The following GABBR2 variants were observed in gnomAD, a reference collection of about 807,000 sequenced individuals.
GABBR2 encodes the protein gamma-aminobutyric acid type B receptor subunit 2.
In GABBR2, 23 loss-of-function variants were observed where a neutral mutation model predicts 105.6. That is an observed-to-expected ratio of 0.22 (90% CI 0.16 to 0.31). The LOEUF is 0.31. Ranked by LOEUF, GABBR2 falls within the 10% of genes least tolerant of loss-of-function variation. The probability of loss-of-function intolerance (pLI) is 1.00; values close to 1 mark genes in which losing one functional copy is unlikely to be tolerated. For synonymous variants in GABBR2, 478 were observed against 499.7 expected, an observed-to-expected ratio of 0.96 and a Z score of 0.58; for missense variants, 734 against 1,245.5, an observed-to-expected ratio of 0.59 and a Z score of 6.18.
Position 98,394,518 on chromosome 9 carries a change from A to G in GABBR2, c.1298-263T>C, listed in dbSNP as rs58430349. Among the ~76,000 whole-genome samples the G allele has an allele frequency of 0.057, 8,708 of 152,258 alleles. 862 individuals carry two copies. Among genetic ancestry groups the G allele is most frequent in the African/African-American group, 0.2 (8,210 of 41,508 alleles). On this transcript the variant is annotated intron_variant, in intron 8 of 18. Coordinates refer to ENST00000259455, the MANE Select transcript of GABBR2 (RefSeq NM_005458.8). ...AGATGGGGAGCCCAGGCTCCCTACA[A>G]CTGTACTCTGTCTGGTACCAAGTTC...
intron 2 of GABBR2, among the ~76,000 whole-genome samples, chr9:98,546,533 A>G (rs1317738274): frequency 6.6e-6 from 1 of 152,236 alleles, no homozygotes; most frequent in Admixed American, 6.5e-5. Context: ...AGATAAAATA[A>G]ACCTGTTTGT....
At chr9:98,359,899 T>A (rs537740484) in intron 13 of GABBR2, among the ~76,000 whole-genome samples, 1 of 152,252 alleles carries the variant, frequency 6.6e-6, no homozygotes, top group African/African-American at 2.4e-5. Flanking sequence ...GCAGAGCAGG[T>A]TCTCGACTCC....
chr9:98,609,044 A>G (rs1829469198), intron 1 of GABBR2, among the ~76,000 whole-genome samples: 1 of 152,226 alleles, frequency 6.6e-6, no homozygotes, highest in Admixed American at 6.5e-5. Flanking sequence ...AAGAGAAAAA[A>G]GTCACCATTC....
chr9:98,489,376 C>T (rs113282632), intron 4 of GABBR2, among the ~76,000 whole-genome samples: 5,140 of 152,262 alleles, frequency 0.034, 269 homozygotes, highest in African/African-American at 0.12. Context: ...ACAGCGCTGA[C>T]GCAGGCAAGC....
chr9:98,496,532 G>A lies in GABBR2; in HGVS notation c.631-18C>T. On this transcript the variant is annotated intron_variant, in intron 3 of 18. Coordinates refer to ENST00000259455, the MANE Select transcript of GABBR2 (RefSeq NM_005458.8). ...TTCCGCACCTGTCAGCAAAGAGAAA[G>A]CAGAGGGTGGGTGTGCTGGGGACCA... 1 of 1,555,228 alleles carries A rather than the reference G, an allele frequency of 6.4e-7. No homozygotes were observed. The highest frequency in any genetic ancestry group is 1.4e-5 in the African/African-American group (1 of 73,978).
At chr9:98,336,277 A>C (rs1005949544) in intron 13 of GABBR2, among the ~76,000 whole-genome samples, 13 of 152,256 alleles carry the variant, frequency 8.5e-5, no homozygotes, top group African/African-American at 3.1e-4. Flanking sequence ...GGGTGAGCAC[A>C]GGGAGAGGAA....
At chr9:98,685,802 C>T (rs1456441054) in intron 1 of GABBR2, among the ~76,000 whole-genome samples, 1 of 152,180 alleles carries the variant, frequency 6.6e-6, no homozygotes, top group Non-Finnish European at 1.5e-5. Flanking sequence ...AAGAGATCCT[C>T]CTACGTCAGC....
Position 98,350,603 on chromosome 9 carries a change from A to G in GABBR2, c.1893+12112T>C, listed in dbSNP as rs114299238. On this transcript the variant is annotated intron_variant, in intron 13 of 18. Transcript: ENST00000259455. ...TTATTCCACTGTGATTTGAGAGATG[A>G]TTGATATGATTTCGATGTAAAAAAA... 4.4e-3 allele frequency among the ~76,000 whole-genome samples: 605 copies of G among 137,252 alleles called. 5 individuals are homozygous for G. Among genetic ancestry groups the G allele is most frequent in the African/African-American group, 0.014 (559 of 38,680 alleles). 90.0% of individuals were successfully genotyped at this position (137,252 alleles called of 152,430 possible).
intron 1 of GABBR2, among the ~76,000 whole-genome samples, chr9:98,706,568 A>G (rs1264818120): frequency 4.6e-5 from 7 of 152,218 alleles, no homozygotes; most frequent in African/African-American, 1.7e-4. Context: ...CTCGAAAAAT[A>G]AAATGTAAAG....
intron 1 of GABBR2, among the ~76,000 whole-genome samples, chr9:98,659,545 T>G (rs1168875648): frequency 5.2e-5 from 7 of 135,208 alleles, no homozygotes; most frequent in African/African-American, 2.0e-4. Flanking sequence ...TTTTTTTGAC[T>G]GAGTCTTGCT....
intron 7 of GABBR2, among the ~76,000 whole-genome samples, chr9:98,445,744 C>T (rs1826117184): frequency 6.6e-6 from 1 of 152,178 alleles, no homozygotes; most frequent in Non-Finnish European, 1.5e-5. Flanking sequence ...CACCAATTGC[C>T]CAATCCTGTA....
chr9:98,338,144 T>G (rs907510766), intron 13 of GABBR2, among the ~76,000 whole-genome samples: 1 of 152,220 alleles, frequency 6.6e-6, no homozygotes, highest in African/African-American at 2.4e-5. Context: ...AATACCTAAA[T>G]GTAAGAACAA....
Position 98,655,119 on chromosome 9 carries a change from G to A in GABBR2, c.321+53298C>T, listed in dbSNP as rs563458666. Among the ~76,000 whole-genome samples the A allele has an allele frequency of 8.0e-4, 122 of 152,190 alleles. 1 individual carries two copies. Among genetic ancestry groups the A allele is most frequent in the Non-Finnish European group, 1.5e-3 (99 of 68,036 alleles). On this transcript the variant is annotated intron_variant, in intron 1 of 18. Transcript: ENST00000259455. ...GGGAGCACAGGGGACTTTTAGGGCC[G>A]TGAAGCTATTCTATGTAATATGGTA...
chr9:98,555,615 T>C (rs1828571136), intron 2 of GABBR2: 4 of 152,196 alleles, frequency 2.6e-5, no homozygotes, highest in Admixed American at 2.6e-4. Flanking sequence ...AGTGTTCTCG[T>C]GTGATCACAG....
Position 98,386,756 on chromosome 9 carries a change from T to C in GABBR2, c.1530-984A>G, listed in dbSNP as rs534999999. Among the ~76,000 whole-genome samples, 47 of 152,328 alleles carry C rather than the reference T, an allele frequency of 3.1e-4. 1 individual carries two copies. The highest frequency in any genetic ancestry group is 2.6e-3 in the Admixed American group (40 of 15,304). ...TTGTTCCCCAACATTTTCCTTTGCA[T>C]TCTCCAGTTCTGTTAACCCTTCACA... On this transcript the variant is annotated intron_variant, in intron 10 of 18. Coordinates refer to ENST00000259455, the MANE Select transcript of GABBR2 (RefSeq NM_005458.8).
intron 1 of GABBR2, among the ~76,000 whole-genome samples, chr9:98,672,015 G>GCT (rs1158611921): frequency 2.0e-5 from 3 of 152,128 alleles, no homozygotes; most frequent in Admixed American, 2.0e-4. Context: ...GGATGATGGT[G>GCT]CTCTCACCAA....
intron 1 of GABBR2, among the ~76,000 whole-genome samples, chr9:98,650,505 T>C (rs990790012): frequency 5.3e-5 from 8 of 152,102 alleles, no homozygotes; most frequent in Non-Finnish European, 8.8e-5. Context: ...AAACCCCAGA[T>C]AGTGGGACAC....
At chr9:98,369,501 A>G (rs568071061) in intron 12 of GABBR2, among the ~76,000 whole-genome samples, 145 of 152,344 alleles carry the variant, frequency 9.5e-4, no homozygotes, top group African/African-American at 3.3e-3. Flanking sequence ...TAATGTGTCC[A>G]CATTCTACAG....
intron 6 of GABBR2, among the ~76,000 whole-genome samples, chr9:98,468,860 G>A (rs1377679880): frequency 6.6e-6 from 1 of 152,158 alleles, no homozygotes; most frequent in East Asian, 1.9e-4. Context: ...CCACAAAAGA[G>A]CTGATTTGGA....
Sources: gnomAD v4.1 joint callset for allele counts (sites outside exome capture counted in the v4.1 genomes callset) on GRCh38, gnomAD v4.1.1 for gene constraint, MANE v1.5 for transcripts, NCBI Gene and HGNC (gene_info 2026-07-23, HGNC 2026-07-21) for gene names.